The following EEF1A1 variants were observed in gnomAD, a reference collection of about 807,000 sequenced individuals.
The protein encoded by EEF1A1 is elongation factor 1-alpha 1.
In EEF1A1, 1 loss-of-function variant was observed where a neutral mutation model predicts 38.5. The observed-to-expected ratio is 0.03, with a 90% CI of 0.01 to 0.12. The LOEUF (loss-of-function observed/expected upper bound fraction) is 0.12. EEF1A1 is among the 10% of genes least tolerant of loss of function. The pLI is 1.00. For missense variants in EEF1A1, 184 were observed against 588.3 expected, an observed-to-expected ratio of 0.31 and a Z score of 7.11; for synonymous variants, 229 against 203.7, an observed-to-expected ratio of 1.12 and a Z score of -1.06.
chr6:73,520,571 AGGCCCCGCCTCGCC>A (rs1201113115), intron 1 of EEF1A1: 1 of 152,574 alleles, frequency 6.6e-6, no homozygotes, highest in African/African-American at 2.4e-5. Flanking sequence ...CCGCGCTCGC[AGGCCCCGCCTCGCC>A]GAACATGTGC....
rs1331732138 is a variant in EEF1A1, at chr6:73,518,259, A to T, written c.1035T>A (p.Ile345=). 1.9e-6 allele frequency: 3 copies of T among 1,613,426 alleles called. No individual in the cohort carries two copies. Among genetic ancestry groups the T allele is most frequent in the Admixed American group, 3.3e-5 (2 of 59,990 alleles). ...TTATTTGGCCTGGATGGTTCAGGAT[A>T]ATCACCTTGGAAAAAAGATTTGCAT... The part of the protein sequence containing the change: ...MEAAGFTAQV[I]ILNHPGQISA... The change falls in exon 7 of 8, where the codon ATT becomes ATA. Residue 345 remains isoleucine (I), a synonymous_variant. Transcript: ENST00000309268.
Position 73,516,133 on chromosome 6 carries a change from G to C in EEF1A1, c.*1677C>G, listed in dbSNP as rs181076483. 1 of 152,346 alleles carries C rather than the reference G, an allele frequency of 6.6e-6. No homozygotes were observed. The highest frequency in any genetic ancestry group is 2.4e-5 in the African/African-American group (1 of 41,582). 9.4% of individuals were successfully genotyped at this position (152,346 alleles called of 1,614,324 possible). A position where few individuals can be genotyped will look rare whatever the true frequency, so the allele number is the denominator to read the frequency against. The stretch of plus-strand genomic sequence containing the variant: ...AGTTCAATTTAGACTTGATACCTCA[G>C]AGCACTGGCTGATGGGAAGGCATTT... On this transcript the variant is annotated 3_prime_UTR_variant, in exon 8 of 8. Coordinates refer to ENST00000309268, the MANE Select transcript of EEF1A1 (RefSeq NM_001402.6).
At chr6:73,520,115 CCA>C (rs1262112742) in intron 1 of EEF1A1, 59 bp from the exon 2 acceptor site, 1 of 1,497,860 alleles carries the variant, frequency 6.7e-7, no homozygotes, top group African/African-American at 1.4e-5. Flanking sequence ...GAACCAAGAT[CCA>C]AACTCAAAAA....
intron 6 of EEF1A1, 39 bp downstream of exon 6, chr6:73,518,315 T>G: frequency 6.2e-7 from 1 of 1,611,888 alleles, no homozygotes; most frequent in Non-Finnish European, 8.5e-7. Flanking sequence ...CAAATGACTT[T>G]AGCCTCTGCA....
chr6:73,518,285 T>C, intron 6 of EEF1A1, 21 bp from the exon 7 acceptor site: 1 of 1,610,968 alleles, frequency 6.2e-7, no homozygotes, highest in East Asian at 2.2e-5. Context: ...AGATTTGCAT[T>C]CAGTGCAAAT....
Position 73,518,491 on chromosome 6 carries a change from C to A in EEF1A1, c.892G>T (p.Ala298Ser). 1 of 1,613,908 alleles carries A rather than the reference C, an allele frequency of 6.2e-7. No homozygotes were observed. Among genetic ancestry groups the A allele is most frequent in the Non-Finnish European group, 8.5e-7 (1 of 1,179,798 alleles). The change falls in exon 6 of 8, where the codon GCT (alanine) becomes TCT (serine). Residue 298 changes from alanine (A) to serine (S), a missense_variant. Transcript: ENST00000309268. ...TCCCCAGGAAGAGCTTCACTCAAAG[C>A]TTCATGGTGCATTTCGACAGATTTT... is the stretch of plus-strand genomic sequence containing the variant. ...EVKSVEMHHE[A>S]LSEALPGDNV...
At chr6:73,518,637 A>G in intron 5 of EEF1A1, 27 bp from the exon 6 acceptor site, 2 of 1,612,980 alleles carry the variant, frequency 1.2e-6, no homozygotes, top group Non-Finnish European at 1.7e-6. Context: ...CATACTAAAT[A>G]CCTATGAAGG....
In EEF1A1 at chr6:73,518,283, A is replaced by G. The variant is rs1874229; in HGVS notation, c.1030-19T>C. 1,149,271 of 1,612,630 alleles carry G rather than the reference A, an allele frequency of 0.71. 411,152 individuals are homozygous for G. The highest frequency in any genetic ancestry group is 0.73 in the South Asian group (66,761 of 91,066). ...TAATCACCTTGGAAAAAAGATTTGC[A>G]TTCAGTGCAAATCCAAAGTCTCAAA... On this transcript the variant is annotated intron_variant, in intron 6 of 7. Coordinates refer to ENST00000309268, the MANE Select transcript of EEF1A1 (RefSeq NM_001402.6).
Position 73,517,171 on chromosome 6 carries a change from C to A in EEF1A1, c.*639G>T, listed in dbSNP as rs1439743006. ...ATTTTAACCCACGTTTCAACATGCA[C>A]ATCCCAGTAATTTGGAAACATTTTG... On this transcript the variant is annotated 3_prime_UTR_variant, in exon 8 of 8. Coordinates refer to ENST00000309268, the MANE Select transcript of EEF1A1 (RefSeq NM_001402.6). 1 of 152,326 alleles carries A rather than the reference C, an allele frequency of 6.6e-6. No homozygotes were observed. Among genetic ancestry groups the A allele is most frequent in the Non-Finnish European group, 1.5e-5 (1 of 68,132 alleles). The allele number at this position is 152,326 out of a possible 1,614,324, so 9.4% of individuals were successfully genotyped here.
chr6:73,519,108 T>G lies in EEF1A1; in HGVS notation c.445A>C (p.Ile149Leu), dbSNP rs2150051709. The G allele has an allele frequency of 6.2e-7, 1 of 1,600,784 alleles. No homozygotes were observed. The highest frequency in any genetic ancestry group is 1.1e-5 in the South Asian group (1 of 90,982). ...LAYTLGVKQLIVGVNKMDSTE... is the reference protein window; with the variant it reads ...LAYTLGVKQLLVGVNKMDSTE... ...GAATCCATTTTGTTAACACCGACAA[T>G]TAGTTGTTTCACACCCAGTGTGTAA... Residue 149 changes from isoleucine to leucine, a missense_variant, in exon 4 of 8, where the codon ATT becomes CTT. Physicochemically the swap from Ile to Leu is conservative, Grantham distance 5. Around this residue, in one of 3 missense-constraint regions of EEF1A1, gnomAD observed 57 missense variants for 228.1 expected, o/e 0.25. Coordinates refer to ENST00000309268, the MANE Select transcript of EEF1A1 (RefSeq NM_001402.6).
chr6:73,516,695 T>C lies in EEF1A1; in HGVS notation c.*1115A>G, dbSNP rs1460954497. On this transcript the variant is annotated 3_prime_UTR_variant, in exon 8 of 8. Transcript: ENST00000309268. ...CCTTTTATAACCAAAAAAAAACCTT[T>C]AGACACTTTTACATATGGGAGGTCA... The C allele has an allele frequency of 5.3e-5, 8 of 151,764 alleles. No individual in the cohort carries two copies. The highest frequency in any genetic ancestry group is 1.9e-4 in the African/African-American group (8 of 41,302). The allele number at this position is 151,764 out of a possible 1,614,324, so 9.4% of individuals were successfully genotyped here. A position where few individuals can be genotyped will look rare whatever the true frequency, so the allele number is the denominator to read the frequency against.
At chr6:73,519,773 A>C in intron 2 of EEF1A1, 110 bp downstream of exon 2, 1 of 1,481,786 alleles carries the variant, frequency 6.7e-7, no homozygotes, top group Non-Finnish European at 9.1e-7. Flanking sequence ...TAAGGTCTTA[A>C]CTATTAGCAT....
In EEF1A1 at chr6:73,517,798, T is replaced by C. The variant is rs1169415474; in HGVS notation, c.*12A>G. 6.9e-7 allele frequency: 1 copy of C among 1,446,970 alleles called. No homozygotes were observed. Among genetic ancestry groups the C allele is most frequent in the Non-Finnish European group, 9.6e-7 (1 of 1,044,394 alleles). 89.6% of individuals were successfully genotyped at this position (1,446,970 alleles called of 1,614,324 possible). The stretch of plus-strand genomic sequence containing the variant: ...TGATTAAGAGTGGGGTGGCAGGTAT[T>C]AGGGATAATATTCATTTAGCCTTCT... On this transcript the variant is annotated 3_prime_UTR_variant, in exon 8 of 8. Transcript: ENST00000309268.
In EEF1A1 at chr6:73,517,580, A is replaced by G. The variant is rs185622540; in HGVS notation, c.*230T>C. 28 of 408,426 alleles carry G rather than the reference A, an allele frequency of 6.9e-5. No individual in the cohort carries two copies. In the Admixed American group the frequency reaches 8.9e-4, roughly 13 times the overall value. 25.3% of individuals were successfully genotyped at this position (408,426 alleles called of 1,614,324 possible). ...ACAAATTTTTGGTCAAGTTGTTTCC[A>G]TTAAAAAGTACTGATTTTAAAAACT... On this transcript the variant is annotated 3_prime_UTR_variant, in exon 8 of 8. Transcript: ENST00000309268.
chr6:73,520,009 A>C lies in EEF1A1; in HGVS notation c.18T>G (p.Thr6=), dbSNP rs761031884. 4.4e-6 allele frequency: 7 copies of C among 1,594,314 alleles called. No individual in the cohort carries two copies. In the Admixed American group the frequency reaches 5.2e-5, roughly 12 times the overall value. Residue 6 remains threonine (T), a synonymous_variant, in exon 2 of 8, where the codon ACT becomes ACG. Transcript: ENST00000309268. ...GTCCAATGACGACAATGTTGATATG[A>C]GTCTTTTCCTTTCCCATTTTGGCTT... is the stretch of plus-strand genomic sequence containing the variant. MGKEK[T]HINIVVIGHV...
chr6:73,516,901 TAG>T lies in EEF1A1; in HGVS notation c.*907_*908del, dbSNP rs1337425667. The T allele has an allele frequency of 6.6e-6, 1 of 152,204 alleles. No individual in the cohort carries two copies. The highest frequency in any genetic ancestry group is 6.5e-5 in the Admixed American group (1 of 15,278). 9.4% of individuals were successfully genotyped at this position (152,204 alleles called of 1,614,324 possible). A position where few individuals can be genotyped will look rare whatever the true frequency, so the allele number is the denominator to read the frequency against. On this transcript the variant is annotated 3_prime_UTR_variant, in exon 8 of 8. Coordinates refer to ENST00000309268, the MANE Select transcript of EEF1A1 (RefSeq NM_001402.6). ...CTAATTATCAAAGCATAAAAGGTAT[TAG>T]ACTCTGCAGGAGAAAAGCAATGTAG...
intron 2 of EEF1A1, 149 bp from the exon 3 acceptor site, chr6:73,519,665 AT>A: frequency 8.5e-7 from 1 of 1,172,518 alleles, no homozygotes; most frequent in Non-Finnish European, 1.2e-6. Context: ...GCAACCAAAA[AT>A]CAAACTTTTA....
Position 73,518,566 on chromosome 6 carries a change from T to C in EEF1A1, c.817A>G (p.Lys273Glu). ...PVGRVETGVL[K>E]PGMVVTFAPV... ...GCAAAGGTGACCACCATACCGGGTTTGAGAACACCAGTCTCCACTCGGCCA... is the reference window on the plus strand; with the variant it reads ...GCAAAGGTGACCACCATACCGGGTTCGAGAACACCAGTCTCCACTCGGCCA... Residue 273 changes from lysine to glutamate, a missense_variant, in exon 6 of 8, where the codon AAA becomes GAA. By Grantham distance (56) the Lys-to-Glu change is moderately conservative (BLOSUM62 1). Transcript: ENST00000309268. 1 of 1,613,796 alleles carries C rather than the reference T, an allele frequency of 6.2e-7. No individual in the cohort carries two copies. The highest frequency in any genetic ancestry group is 8.5e-7 in the Non-Finnish European group (1 of 1,179,730).
chr6:73,520,514 A>G (rs1765628557), intron 1 of EEF1A1: 1 of 153,076 alleles, frequency 6.5e-6, no homozygotes, highest in Non-Finnish European at 1.5e-5. Flanking sequence ...GCCAGGCACC[A>G]GAGCAGGCCG....
Sources: allele counts gnomAD v4.1 joint callset, GRCh38; gene constraint gnomAD v4.1.1; regional missense constraint gnomAD v4.1.1; transcripts MANE v1.5; gene names NCBI Gene and HGNC (gene_info 2026-07-23, HGNC 2026-07-21).